Variants in RAB38 observed in about 807,000 individuals in gnomAD.
The protein encoded by RAB38 is RAB38, member RAS oncogene family, also known as ras-related protein Rab-38.
A neutral mutation model predicts 18.4 loss-of-function variants in RAB38; 15 were observed. The ratio of observed to expected loss-of-function variants is 0.82; its 90% CI spans 0.55 to 1.26. RAB38 has a LOEUF of 1.26. Ranked by LOEUF, RAB38 falls within the 50% of genes most tolerant of loss-of-function variation. The pLI is 0.00. For synonymous variants in RAB38, 101 were observed against 104.4 expected (o/e 0.97, Z 0.20); for missense variants, 294 against 267.4 (o/e 1.10, Z -0.69).
chr11:87,873,287 A>ATAT, the RAB38 span, among the ~76,000 whole-genome samples: 1 of 151,408 alleles, frequency 6.6e-6, no homozygotes, highest in Non-Finnish European at 1.5e-5. Context: ...CCCAGTTTTA[A>ATAT]TATTTGTTTT....
chr11:87,903,514 T>C, the RAB38 span, among the ~76,000 whole-genome samples: 1 of 151,610 alleles, frequency 6.6e-6, no homozygotes, highest in Non-Finnish European at 1.5e-5. Context: ...TATTGGTCTC[T>C]TGTGTGTTTG....
the RAB38 span, among the ~76,000 whole-genome samples, chr11:88,094,292 C>T: frequency 6.6e-6 from 1 of 151,916 alleles, no homozygotes; most frequent in African/African-American, 2.4e-5. Flanking sequence ...ACATGGCTTG[C>T]CATCACTCTC....
the RAB38 span, among the ~76,000 whole-genome samples, chr11:87,824,338 C>T: frequency 2.6e-5 from 4 of 152,178 alleles, no homozygotes; most frequent in African/African-American, 9.7e-5. Flanking sequence ...TATTACCCCA[C>T]ATATCACATA....
the RAB38 span, among the ~76,000 whole-genome samples, chr11:88,041,388 CTGTTT>C: frequency 1.3e-5 from 2 of 152,146 alleles, no homozygotes; most frequent in African/African-American, 4.8e-5. Flanking sequence ...CTCCTTGCAT[CTGTTT>C]TGTTAAATAA....
intron 2 of RAB38, among the ~76,000 whole-genome samples, chr11:88,123,420 G>T (rs1481519274): frequency 6.6e-6 from 1 of 152,164 alleles, no homozygotes; most frequent in Non-Finnish European, 1.5e-5. Flanking sequence ...TTAGACATGG[G>T]TGATTTCTGC....
the RAB38 span, among the ~76,000 whole-genome samples, chr11:87,971,112 T>C: frequency 6.6e-6 from 1 of 152,038 alleles, no homozygotes; most frequent in Non-Finnish European, 1.5e-5. Context: ...AATTTCTCAC[T>C]CCAGTGATGA....
At chr11:87,929,347 T>A in the RAB38 span, among the ~76,000 whole-genome samples, 2 of 151,960 alleles carry the variant, frequency 1.3e-5, no homozygotes, top group Non-Finnish European at 2.9e-5. Flanking sequence ...CATATGTTTA[T>A]CTCATTCCTT....
the RAB38 span, among the ~76,000 whole-genome samples, chr11:87,866,352 A>G: frequency 1.3e-5 from 2 of 151,750 alleles, no homozygotes; most frequent in African/African-American, 2.4e-5. Flanking sequence ...TCCATGGGCA[A>G]TATCTTTCCA....
intron 2 of RAB38, among the ~76,000 whole-genome samples, chr11:88,118,427 C>A (rs527770045): frequency 6.6e-6 from 1 of 152,194 alleles, no homozygotes; most frequent in Non-Finnish European, 1.5e-5. Flanking sequence ...CAGGTTCAGA[C>A]CCTTTGGGCA....
the RAB38 span, among the ~76,000 whole-genome samples, chr11:87,825,759 G>A: frequency 6.6e-6 from 1 of 152,014 alleles, no homozygotes; most frequent in African/African-American, 2.4e-5. Flanking sequence ...GAGAAAAAGT[G>A]GAGAGATTAT....
intron 2 of RAB38, among the ~76,000 whole-genome samples, chr11:88,148,897 A>G (rs1943025899): frequency 6.6e-6 from 1 of 152,170 alleles, no homozygotes; most frequent in Non-Finnish European, 1.5e-5. Context: ...TTTTTTATGG[A>G]TTTTCAAATT....
chr11:88,074,706 CAA>C, the RAB38 span, among the ~76,000 whole-genome samples: 2 of 152,062 alleles, frequency 1.3e-5, no homozygotes, highest in African/African-American at 4.8e-5. Flanking sequence ...TTTTACTTAT[CAA>C]TAATACCAGT....
the RAB38 span, among the ~76,000 whole-genome samples, chr11:88,016,509 G>T: frequency 6.6e-6 from 1 of 152,012 alleles, no homozygotes; most frequent in Non-Finnish European, 1.5e-5. Context: ...AACACAGGCC[G>T]GGGCACAGAT....
the RAB38 span, among the ~76,000 whole-genome samples, chr11:87,820,734 TAATAA>T: frequency 6.6e-6 from 1 of 152,074 alleles, no homozygotes; most frequent in East Asian, 1.9e-4. Flanking sequence ...AATCATCACA[TAATAA>T]AATAATCAGA....
chr11:87,898,166 A>G, the RAB38 span, among the ~76,000 whole-genome samples: 1 of 151,594 alleles, frequency 6.6e-6, no homozygotes, highest in African/African-American at 2.4e-5. Context: ...AACATGATAA[A>G]ATGAATACCT....
chr11:87,886,636 C>T, the RAB38 span, among the ~76,000 whole-genome samples: 1 of 151,890 alleles, frequency 6.6e-6, no homozygotes, highest in Non-Finnish European at 1.5e-5. Flanking sequence ...TACATTAACT[C>T]CATCTTAGTA....
At chr11:88,143,205 C>T (rs1362806085) in intron 2 of RAB38, among the ~76,000 whole-genome samples, 3 of 152,126 alleles carry the variant, frequency 2.0e-5, no homozygotes, top group East Asian at 3.9e-4. Flanking sequence ...CATCTGTGAA[C>T]AGAAAAAGTA....
chr11:87,894,756 TTATA>T, the RAB38 span, among the ~76,000 whole-genome samples: 1 of 146,768 alleles, frequency 6.8e-6, no homozygotes, highest in Non-Finnish European at 1.5e-5. Flanking sequence ...TATGTATACA[TTATA>T]TATCATATAT....
the RAB38 span, among the ~76,000 whole-genome samples, chr11:87,946,153 T>G: frequency 6.6e-6 from 1 of 152,176 alleles, no homozygotes; most frequent in African/African-American, 2.4e-5. Flanking sequence ...CCAAATATCT[T>G]AAAGGGTTAA....
Sources: gnomAD v4.1 joint callset for allele counts (sites outside exome capture counted in the v4.1 genomes callset) on GRCh38, gnomAD v4.1.1 for gene constraint, MANE v1.5 for transcripts, NCBI Gene and HGNC (gene_info 2026-07-23, HGNC 2026-07-21) for gene names.